Variants in SRSF5 observed in about 807,000 individuals in gnomAD.
SRSF5 encodes the protein serine/arginine-rich splicing factor 5.
Under a neutral mutation model 34.0 loss-of-function variants are expected in SRSF5, and 5 were observed. That is an observed-to-expected ratio of 0.15 (90% CI 0.08 to 0.31). The LOEUF is 0.31. Ranked by LOEUF, SRSF5 falls within the 10% of genes least tolerant of loss-of-function variation. The probability of loss-of-function intolerance (pLI) is 1.00; values close to 1 mark genes in which losing one functional copy is unlikely to be tolerated. For synonymous variants in SRSF5, 164 were observed against 117.7 expected, an observed-to-expected ratio of 1.39 and a Z score of -2.55; for missense variants, 223 against 351.4, an observed-to-expected ratio of 0.63 and a Z score of 2.92.
At position 69,768,792 on chromosome 14, in the gene SRSF5, T is replaced by C. The variant is rs1882854348; in HGVS notation, c.198-6T>C. 1 of 1,613,950 alleles carries C rather than the reference T, an allele frequency of 6.2e-7. No individual in the cohort carries two copies. Among genetic ancestry groups the C allele is most frequent in the Non-Finnish European group, 8.5e-7 (1 of 1,179,932 alleles). On this transcript the variant is annotated splice_region_variant and splice_polypyrimidine_tract_variant and intron_variant, in intron 3 of 7. Coordinates refer to ENST00000557154, the MANE Select transcript of SRSF5 (RefSeq NM_001320214.2). ...TGTAACGGAGATTTTTCTTCCCTTTTTGTAGGGTTACTATTGAACATGCTA... is the reference window on the plus strand; with the variant it reads ...TGTAACGGAGATTTTTCTTCCCTTTCTGTAGGGTTACTATTGAACATGCTA...
intron 5 of SRSF5, 114 bp downstream of exon 5, chr14:69,769,365 A>C: frequency 6.6e-7 from 1 of 1,509,744 alleles, no homozygotes; most frequent in Non-Finnish European, 8.9e-7. Flanking sequence ...GATTTAATGG[A>C]ATTGTAATTT....
Position 69,768,139 on chromosome 14 carries a change from A to G in SRSF5, c.-18A>G, listed in dbSNP as rs766934964. 2.5e-6 allele frequency: 4 copies of G among 1,613,978 alleles called. No homozygotes were observed. ...CTCGATTGAATTACTTTCTAATAGG[A>G]AGTACTAGCCGGACATCATGAGTGG... is the stretch of plus-strand genomic sequence containing the variant. On this transcript the variant is annotated splice_region_variant and 5_prime_UTR_variant, in exon 2 of 8. Coordinates refer to ENST00000557154, the MANE Select transcript of SRSF5 (RefSeq NM_001320214.2).
chr14:69,769,875 A>C (rs967717869), intron 5 of SRSF5: 1 of 1,207,638 alleles, frequency 8.3e-7, no homozygotes, highest in Non-Finnish European at 1.0e-6. Flanking sequence ...ACATGTCTGC[A>C]TCCGCCAATA....
At chr14:69,769,139 T>G (rs377216572) in intron 4 of SRSF5, 43 bp from the exon 5 acceptor site, 2 of 1,607,020 alleles carry the variant, frequency 1.2e-6, no homozygotes, top group Non-Finnish European at 1.7e-6. Flanking sequence ...ACAAGTGCTG[T>G]CATTGCATTT....
intron 5 of SRSF5, chr14:69,769,967 C>A: frequency 9.5e-7 from 1 of 1,051,702 alleles, no homozygotes; most frequent in Non-Finnish European, 1.1e-6. Flanking sequence ...AAGAGCCAGT[C>A]GGGCATATGT....
intron 5 of SRSF5, chr14:69,769,473 T>A (rs1249998393): frequency 1.3e-6 from 2 of 1,534,574 alleles, no homozygotes; most frequent in African/African-American, 1.4e-5. Context: ...TTTTTTAAAA[T>A]CAATTTTTAA....
At chr14:69,770,570 A>G (rs200990383) in intron 6 of SRSF5, 30 bp downstream of exon 6, 42 of 1,585,644 alleles carry the variant, frequency 2.6e-5, no homozygotes, top group Non-Finnish European at 3.5e-5. Context: ...AAAGTCTTTA[A>G]AAATATCCGG....
At chr14:69,770,562 A>G in intron 6 of SRSF5, 22 bp downstream of exon 6, 2 of 1,598,322 alleles carry the variant, frequency 1.3e-6, no homozygotes, top group Non-Finnish European at 1.7e-6. Context: ...AAACTGTGAA[A>G]GTCTTTAAAA....
At chr14:69,767,338 C>T (rs907129468) in intron 1 of SRSF5, 83 bp downstream of exon 1, 3 of 455,722 alleles carry the variant, frequency 6.6e-6, no homozygotes, top group African/African-American at 2.0e-5. Flanking sequence ...CGGGGCTGCT[C>T]TCTTTGCGGA....
At chr14:69,767,665 A>T (rs1282855413) in intron 1 of SRSF5, 1 of 371,700 alleles carries the variant, frequency 2.7e-6, no homozygotes, top group Non-Finnish European at 5.4e-6. Context: ...GCTGCCTTTG[A>T]TTCCACCGCC....
chr14:69,767,554 C>A (rs995280345), intron 1 of SRSF5: 1 of 455,978 alleles, frequency 2.2e-6, no homozygotes, highest in Non-Finnish European at 4.4e-6. Context: ...CCTGACTTTG[C>A]TGGCGATGCG....
rs758364052 is a variant in SRSF5 at position 69,768,590 on chromosome 14, T to G, written c.127-14T>G. On this transcript the variant is annotated splice_polypyrimidine_tract_variant and intron_variant, in intron 2 of 7. Coordinates refer to ENST00000557154, the MANE Select transcript of SRSF5 (RefSeq NM_001320214.2). ...TCTAAAGCCAATGTTAAGAGTCTTA[T>G]GCTTACATTTTAGGAATTTGAGGAT... The G allele has an allele frequency of 6.2e-7, 1 of 1,613,580 alleles. No homozygotes were observed. Among genetic ancestry groups the G allele is most frequent in the Non-Finnish European group, 8.5e-7 (1 of 1,179,454 alleles).
intron 5 of SRSF5, chr14:69,769,542 G>A (rs1181446076): frequency 6.5e-7 from 1 of 1,535,324 alleles, no homozygotes; most frequent in African/African-American, 1.4e-5. Flanking sequence ...ATGACGAGGA[G>A]TGCCTGTGGG....
At chr14:69,770,065 C>CAT in intron 5 of SRSF5, 1 of 1,024,514 alleles carries the variant, frequency 9.8e-7, no homozygotes, top group Non-Finnish European at 1.2e-6. Context: ...TTTTTAATGA[C>CAT]ATATGGGGCA....
intron 1 of SRSF5, chr14:69,767,908 A>G (rs1420254791): frequency 1.5e-5 from 7 of 477,792 alleles, no homozygotes; most frequent in Admixed American, 3.4e-5. Context: ...GAAAGGTGGC[A>G]GTGGGCGTTG....
chr14:69,769,112 C>T (rs774283091), intron 4 of SRSF5, 70 bp from the exon 5 acceptor site: 2 of 1,569,200 alleles, frequency 1.3e-6, no homozygotes, highest in East Asian at 2.2e-5. Flanking sequence ...ATGGCTTGAA[C>T]TTGCCCACAG....
In SRSF5 at chr14:69,768,131, C is replaced by T. The variant is rs761916066; in HGVS notation, c.-19-7C>T. Reference sequence around the variant, plus strand: ...GCTATTATCTCGATTGAATTACTTTCTAATAGGAAGTACTAGCCGGACATC... The same window carrying T: ...GCTATTATCTCGATTGAATTACTTTTTAATAGGAAGTACTAGCCGGACATC... On this transcript the variant is annotated splice_polypyrimidine_tract_variant and splice_region_variant and intron_variant, in intron 1 of 7. Coordinates refer to ENST00000557154, the MANE Select transcript of SRSF5 (RefSeq NM_001320214.2). The T allele has an allele frequency of 1.9e-6, 3 of 1,613,850 alleles. No individual in the cohort carries two copies. Among genetic ancestry groups the T allele is most frequent in the South Asian group, 1.1e-5 (1 of 91,064 alleles).
At chr14:69,769,465 T>C in intron 5 of SRSF5, 1 of 1,534,702 alleles carries the variant, frequency 6.5e-7, no homozygotes, top group Non-Finnish European at 8.7e-7. Flanking sequence ...TTTTCTTGTT[T>C]TTTAAAATCA....
chr14:69,768,007 G>A, intron 1 of SRSF5, 131 bp from the exon 2 acceptor site: 10 of 1,023,544 alleles, frequency 9.8e-6, no homozygotes, highest in Non-Finnish European at 1.4e-5. Flanking sequence ...CCTCATTAGA[G>A]GCTCTGTTGG....
Sources: gnomAD v4.1 joint callset for allele counts on GRCh38, gnomAD v4.1.1 for gene constraint, MANE v1.5 for transcripts, NCBI Gene and HGNC (gene_info 2026-07-23, HGNC 2026-07-21) for gene names.